Variants in ZSCAN18 observed in about 807,000 individuals in gnomAD.
ZSCAN18 encodes the protein zinc finger and SCAN domain containing 18.
In ZSCAN18, 16 loss-of-function variants were observed where a neutral mutation model predicts 31.1. That is an observed-to-expected ratio of 0.51 (90% CI 0.35 to 0.78). The LOEUF (loss-of-function observed/expected upper bound fraction) is 0.78. Among genes scored for constraint, ZSCAN18 ranks in the 30% least tolerant of loss-of-function variants. The probability of loss-of-function intolerance (pLI) is 0.01; values close to 1 mark genes in which losing one functional copy is unlikely to be tolerated. For synonymous variants in ZSCAN18, 375 were observed against 320.7 expected, an observed-to-expected ratio of 1.17 and a Z score of -1.81; for missense variants, 731 against 697.4, an observed-to-expected ratio of 1.05 and a Z score of -0.54.
chr19:58,101,888 T>C (rs2146018232), upstream of ZSCAN18, among the ~76,000 whole-genome samples: 1 of 152,254 alleles, frequency 6.6e-6, no homozygotes. Flanking sequence ...TACATGGTCC[T>C]GCACCAGTGT....
At chr19:58,109,692 T>C (rs2074664164) in intron 1 of ZSCAN18, among the ~76,000 whole-genome samples, 1 of 152,248 alleles carries the variant, frequency 6.6e-6, no homozygotes, top group Admixed American at 6.5e-5. Context: ...ACAGTATATT[T>C]ACTTTGTGAA....
chr19:58,104,945 A>G (rs1304514264), intron 1 of ZSCAN18, among the ~76,000 whole-genome samples: 2 of 152,218 alleles, frequency 1.3e-5, no homozygotes, highest in African/African-American at 4.8e-5. Context: ...AAGAAATGCC[A>G]GGTAGTGTTT....
upstream of ZSCAN18, among the ~76,000 whole-genome samples, chr19:58,100,461 C>T (rs564888548): frequency 1.3e-5 from 2 of 152,088 alleles, no homozygotes; most frequent in Non-Finnish European, 2.9e-5. Context: ...GGTGACTATC[C>T]CCATCCTGAA....
At chr19:58,105,353 C>G (rs929700334) in intron 1 of ZSCAN18, among the ~76,000 whole-genome samples, 33 of 152,206 alleles carry the variant, frequency 2.2e-4, no homozygotes, top group African/African-American at 7.5e-4. Flanking sequence ...TTTTGCCTTT[C>G]CAGTCTTCTT....
chr19:58,102,595 G>A (rs151246475), upstream of ZSCAN18, among the ~76,000 whole-genome samples: 1 of 152,276 alleles, frequency 6.6e-6, no homozygotes, highest in Non-Finnish European at 1.5e-5. Flanking sequence ...AAGAAAGAAG[G>A]CAGGTAACAA....
At chr19:58,088,303 A>T (rs917503011) in intron 3 of ZSCAN18, 4 of 168,490 alleles carry the variant, frequency 2.4e-5, no homozygotes, top group African/African-American at 9.5e-5. Context: ...ACTCAGACAC[A>T]GCACACCACA....
chr19:58,108,519 T>G (rs1447420314), intron 1 of ZSCAN18: 1 of 986,094 alleles, frequency 1.0e-6, no homozygotes, highest in Non-Finnish European at 1.2e-6. Flanking sequence ...AGGATTTCTC[T>G]CCTGTGTGGA....
intron 1 of ZSCAN18, chr19:58,108,344 T>C (rs2074652659): frequency 3.0e-6 from 3 of 985,478 alleles, no homozygotes; most frequent in Non-Finnish European, 3.6e-6. Flanking sequence ...TACATTCGAA[T>C]AGTTTTTCCA....
chr19:58,085,047 T>A lies in ZSCAN18; in HGVS notation c.1171A>T (p.Ser391Cys), dbSNP rs1306650130. The change falls in exon 7 of 7, where the codon AGC becomes TGC. Residue 391 changes from serine (S) to cysteine (C), a missense_variant. By Grantham distance (112) the Ser-to-Cys change is moderately radical. Around this residue, in one of 4 missense-constraint regions of ZSCAN18, gnomAD observed 597 missense variants for 499.5 expected, o/e 1.20. Coordinates refer to ENST00000601144, the MANE Select transcript of ZSCAN18 (RefSeq NM_001145543.2). ...CCCTGCCCGGCCTCCAGCCCTGCGC[T>A]GTCGCCGGAGCTAGAGACGCCCTCG... Reference protein sequence around the residue: ...SLEGVSSSGDSAGLEAGQGPG... With the variant: ...SLEGVSSSGDCAGLEAGQGPG... 1.9e-6 allele frequency: 3 copies of A among 1,596,852 alleles called. No individual in the cohort carries two copies. In the African/African-American group the frequency reaches 4.0e-5, roughly 21 times the overall value.
At position 58,089,950 on chromosome 19, in the gene ZSCAN18, C is replaced by T; in HGVS notation, c.318G>A (p.Arg106=). 6.2e-7 allele frequency: 1 copy of T among 1,614,170 alleles called. No homozygotes were observed. Among genetic ancestry groups the T allele is most frequent in the Non-Finnish European group, 8.5e-7 (1 of 1,180,048 alleles). ...CAGGGTACTGTGCCACCACCCAGGG[C>T]CGGACCTTATCAGGCAGGATGCCCA... The part of the protein sequence containing the change: ...QFLGILPDKV[R]PWVVAQYPES... Residue 106 remains arginine, a synonymous_variant, in exon 2 of 7, where the codon CGG becomes CGA. Coordinates refer to ENST00000601144, the MANE Select transcript of ZSCAN18 (RefSeq NM_001145543.2).
chr19:58,086,755 C>T lies in ZSCAN18; in HGVS notation c.745+151G>A, dbSNP rs1464600383. ...AGATCAGAAAGGGTGGGGGCTTCAG[C>T]GAATAAATTCAAGCTCCAACACGTG... On this transcript the variant is annotated intron_variant, in intron 5 of 6. Transcript: ENST00000601144. 1.2e-5 allele frequency: 7 copies of T among 602,474 alleles called. No homozygotes were observed. In the Admixed American group the frequency reaches 1.2e-4, roughly 11 times the overall value. The allele number at this position is 602,474 out of a possible 1,614,324, so 37.3% of individuals were successfully genotyped here. A position where few individuals can be genotyped will look rare whatever the true frequency, so the allele number is the denominator to read the frequency against.
chr19:58,107,317 G>A (rs1247870314), intron 1 of ZSCAN18, among the ~76,000 whole-genome samples: 23 of 151,884 alleles, frequency 1.5e-4, no homozygotes. Flanking sequence ...TCACTTTTGG[G>A]AGGCCAAGGT....
chr19:58,111,038 G>A (rs1017189145), intron 1 of ZSCAN18, among the ~76,000 whole-genome samples: 2 of 152,080 alleles, frequency 1.3e-5, no homozygotes, highest in Non-Finnish European at 2.9e-5. Context: ...CGTGGTGGCG[G>A]GCGCCTGTAG....
chr19:58,097,874 C>T lies in ZSCAN18; in HGVS notation c.-120+300G>A, dbSNP rs550625375. The T allele has an allele frequency of 1.9e-4, 181 of 964,774 alleles. 2 individuals carry two copies. The African/African-American group carries it at 3.1e-3, about 17-fold the overall frequency. The allele number at this position is 964,774 out of a possible 1,614,324, so 59.8% of individuals were successfully genotyped here. On this transcript the variant is annotated intron_variant, in intron 1 of 6. Transcript: ENST00000601144. Reference sequence around the variant, plus strand: ...CCTGTTCTCCCACCCACAGGGTGCCCTAAGCGCCTCCCCTCCACGAGCCTA... The same window carrying T: ...CCTGTTCTCCCACCCACAGGGTGCCTTAAGCGCCTCCCCTCCACGAGCCTA...
chr19:58,101,021 T>C (rs932503125), upstream of ZSCAN18, among the ~76,000 whole-genome samples: 2 of 152,238 alleles, frequency 1.3e-5, no homozygotes, highest in Admixed American at 6.5e-5. Context: ...TGCAGGTCTA[T>C]TTCCGGGTTC....
intron 1 of ZSCAN18, among the ~76,000 whole-genome samples, chr19:58,114,642 G>A (rs1027883207): frequency 2.0e-5 from 3 of 151,910 alleles, no homozygotes; most frequent in African/African-American, 7.3e-5. Context: ...AAACAAGTAT[G>A]TATATATACA....
Position 58,084,110 on chromosome 19 carries a change from C to A in ZSCAN18, c.*575G>T, listed in dbSNP as rs569888314. 2.0e-5 allele frequency: 3 copies of A among 152,344 alleles called. No individual in the cohort carries two copies. The highest frequency in any genetic ancestry group is 1.9e-4 in the East Asian group (1 of 5,188). The allele number at this position is 152,344 out of a possible 1,614,324, so 9.4% of individuals were successfully genotyped here. A position where few individuals can be genotyped will look rare whatever the true frequency, so the allele number is the denominator to read the frequency against. On this transcript the variant is annotated 3_prime_UTR_variant, in exon 7 of 7. Transcript: ENST00000601144. This position sits in a 1 kb window ranked among gnomAD's most constrained non-coding sequence, Gnocchi z 4.5. The stretch of plus-strand genomic sequence containing the variant: ...ATTTTACTAAATGGGCTGGGACCCA[C>A]GGTCTGAAAACCCTGCCTTAGGCTG...
intron 1 of ZSCAN18, among the ~76,000 whole-genome samples, chr19:58,094,327 T>C (rs1302418469): frequency 6.7e-6 from 1 of 149,764 alleles, no homozygotes; most frequent in Non-Finnish European, 1.5e-5. Context: ...AGGAGAATGG[T>C]GTGAACCCGG....
intron 6 of ZSCAN18, 116 bp from the exon 7 acceptor site, chr19:58,085,495 C>A (rs1022796651): frequency 2.2e-6 from 2 of 906,328 alleles, no homozygotes; most frequent in African/African-American, 3.5e-5. Flanking sequence ...TGGATCCCCG[C>A]GGGGCTCACG....
Sources: allele counts gnomAD v4.1 joint callset (sites outside exome capture counted in the v4.1 genomes callset), GRCh38; gene constraint gnomAD v4.1.1; regional missense constraint gnomAD v4.1.1; non-coding constraint Gnocchi (gnomAD v3.1); transcripts MANE v1.5; gene names NCBI Gene and HGNC (gene_info 2026-07-23, HGNC 2026-07-21).